EXOC6B: variants seen among roughly 807,000 people sequenced by gnomAD.
EXOC6B encodes the protein exocyst complex component 6B.
A neutral mutation model predicts 113.5 loss-of-function variants in EXOC6B; 54 were observed. The observed-to-expected ratio is 0.48, with a 90% CI of 0.38 to 0.60. The LOEUF (loss-of-function observed/expected upper bound fraction) is 0.60, where lower values mean the gene tolerates loss of function less well. Ranked by LOEUF, EXOC6B falls within the 20% of genes least tolerant of loss-of-function variation. EXOC6B has a pLI of 0.00. For synonymous variants in EXOC6B, 357 were observed against 339.0 expected, an observed-to-expected ratio of 1.05 and a Z score of -0.58; for missense variants, 797 against 977.5, an observed-to-expected ratio of 0.82 and a Z score of 2.46.
At chr2:72,652,411 G>A (rs993510219) in intron 6 of EXOC6B, among the ~76,000 whole-genome samples, 1 of 152,096 alleles carries the variant, frequency 6.6e-6, no homozygotes, top group Non-Finnish European at 1.5e-5. Context: ...TGCACAGAAA[G>A]CTAAACCTTA....
At chr2:72,404,798 C>A (rs193213232) in intron 18 of EXOC6B, among the ~76,000 whole-genome samples, 1 of 152,240 alleles carries the variant, frequency 6.6e-6, no homozygotes, top group South Asian at 2.1e-4. Context: ...AAAATCAGAG[C>A]GCCTTTCCTC....
intron 20 of EXOC6B, among the ~76,000 whole-genome samples, chr2:72,308,435 G>A (rs1444062379): frequency 6.6e-6 from 1 of 152,146 alleles, no homozygotes; most frequent in Non-Finnish European, 1.5e-5. Flanking sequence ...ATAAGTAATG[G>A]AATGGATAAG....
intron 16 of EXOC6B, among the ~76,000 whole-genome samples, chr2:72,488,606 G>A (rs879127977): frequency 1.3e-5 from 2 of 151,936 alleles, no homozygotes; most frequent in Admixed American, 6.6e-5. Context: ...CAGCCTTCTC[G>A]TTGCTCAAGT....
intron 6 of EXOC6B, among the ~76,000 whole-genome samples, chr2:72,633,526 G>T (rs570540448): frequency 6.6e-6 from 1 of 152,130 alleles, no homozygotes; most frequent in African/African-American, 2.4e-5. Context: ...AATGGACTCT[G>T]GTCCATTCTA....
intron 1 of EXOC6B, among the ~76,000 whole-genome samples, chr2:72,754,719 C>T (rs1682292665): frequency 6.6e-6 from 1 of 150,474 alleles, no homozygotes; most frequent in African/African-American, 2.4e-5. Flanking sequence ...GCTTAAGGGA[C>T]CCTCTAGCCT....
intron 20 of EXOC6B, among the ~76,000 whole-genome samples, chr2:72,249,312 TGC>T (rs1682862647): frequency 6.6e-6 from 1 of 152,048 alleles, no homozygotes. Flanking sequence ...CAGGCTGGAG[TGC>T]AGTGGTGCAA....
intron 1 of EXOC6B, among the ~76,000 whole-genome samples, chr2:72,814,107 G>A (rs1686080800): frequency 6.6e-6 from 1 of 152,196 alleles, no homozygotes; most frequent in Admixed American, 6.5e-5. Context: ...CACAGAATCT[G>A]TCATGTTCCA....
rs1192216570 is a variant in EXOC6B at position 72,655,520 on chromosome 2, T to C, written c.669+62583A>G. Among the ~76,000 whole-genome samples the C allele has an allele frequency of 1.6e-4, 24 of 151,964 alleles. 1 individual carries two copies. The highest frequency in any genetic ancestry group is 1.6e-3 in the Admixed American group (24 of 15,262). Reference sequence around the variant, plus strand: ...AAGGGGAAAAAAAGAAAAAGAAGTCTTCAGATTTACGGTGGTTCCAAAACA... The same window carrying C: ...AAGGGGAAAAAAAGAAAAAGAAGTCCTCAGATTTACGGTGGTTCCAAAACA... On this transcript the variant is annotated intron_variant, in intron 6 of 21. Coordinates refer to ENST00000272427, the MANE Select transcript of EXOC6B (RefSeq NM_015189.3).
At chr2:72,617,819 C>T (rs1301842893) in intron 6 of EXOC6B, among the ~76,000 whole-genome samples, 1 of 151,988 alleles carries the variant, frequency 6.6e-6, no homozygotes, top group Non-Finnish European at 1.5e-5. Context: ...CCGGCCAAGA[C>T]CCTGTAGAGT....
At chr2:72,364,418 C>T (rs918074543) in intron 19 of EXOC6B, among the ~76,000 whole-genome samples, 4 of 152,010 alleles carry the variant, frequency 2.6e-5, no homozygotes, top group African/African-American at 9.7e-5. Context: ...TATGGTTATT[C>T]GTGGACTGTC....
intron 16 of EXOC6B, among the ~76,000 whole-genome samples, chr2:72,490,607 G>A (rs769921958): frequency 2.2e-4 from 34 of 152,042 alleles, no homozygotes; most frequent in Non-Finnish European, 3.7e-4. Context: ...AAACAAAAGC[G>A]TATGCATGTT....
In EXOC6B at chr2:72,575,649, A is replaced by G; in HGVS notation, c.689T>C (p.Leu230Pro). Residue 230 changes from leucine to proline, a missense_variant, in exon 7 of 22, where the codon CTG becomes CCG. By Grantham distance (98) the Leu-to-Pro change is moderately conservative. Coordinates refer to ENST00000272427, the MANE Select transcript of EXOC6B (RefSeq NM_015189.3). Reference sequence around the variant, plus strand: ...GGGTTGTTGCAAGACGATGTTATCCAGGTTTCTTTGCTGCTGGGCCTAGGA... The same window carrying G: ...GGGTTGTTGCAAGACGATGTTATCCGGGTTTCTTTGCTGCTGGGCCTAGGA... The part of the protein sequence containing the change: ...AMKQAQQQRN[L>P]DNIVLQQPRI... 1.3e-6 allele frequency: 2 copies of G among 1,599,824 alleles called. No individual in the cohort carries two copies. Among genetic ancestry groups the G allele is most frequent in the Non-Finnish European group, 1.7e-6 (2 of 1,174,428 alleles).
At chr2:72,563,431 T>C (rs1265063936) in intron 7 of EXOC6B, among the ~76,000 whole-genome samples, 1 of 152,122 alleles carries the variant, frequency 6.6e-6, no homozygotes, top group Admixed American at 6.6e-5. Context: ...TAGTTCCTAG[T>C]TTTTGTTTGT....
intron 1 of EXOC6B, among the ~76,000 whole-genome samples, chr2:72,784,226 T>C (rs1343742835): frequency 6.6e-6 from 1 of 152,234 alleles, no homozygotes; most frequent in East Asian, 1.9e-4. Flanking sequence ...ACCAATACCA[T>C]GCTGTTCTGG....
chr2:72,367,912 T>G (rs1431314287), intron 19 of EXOC6B, among the ~76,000 whole-genome samples: 1 of 152,138 alleles, frequency 6.6e-6, no homozygotes, highest in African/African-American at 2.4e-5. Flanking sequence ...TCAGCAAGCC[T>G]CATTGCCACA....
chr2:72,515,942 CCACGTGATGA>C (rs896101819), intron 8 of EXOC6B, among the ~76,000 whole-genome samples: 1 of 152,092 alleles, frequency 6.6e-6, no homozygotes. Flanking sequence ...GGGGAGAACA[CCACGTGATGA>C]CAGAGGCAGA....
At chr2:72,685,790 A>T (rs1677046865) in intron 6 of EXOC6B, among the ~76,000 whole-genome samples, 1 of 152,234 alleles carries the variant, frequency 6.6e-6, no homozygotes, top group South Asian at 2.1e-4. Context: ...ACAATGCCTA[A>T]AAGGCATTTC....
intron 20 of EXOC6B, among the ~76,000 whole-genome samples, chr2:72,240,016 A>T (rs960659736): frequency 2.0e-5 from 3 of 152,214 alleles, no homozygotes; most frequent in Admixed American, 6.5e-5. Context: ...CCAAGGTACA[A>T]GTACATGGTT....
chr2:72,553,510 T>C (rs1014967007), intron 8 of EXOC6B, among the ~76,000 whole-genome samples: 6 of 151,926 alleles, frequency 3.9e-5, no homozygotes, highest in African/African-American at 1.4e-4. Context: ...AGAAGAGACA[T>C]GAGAAGGGAC....
Sources: gnomAD v4.1 joint callset for allele counts (sites outside exome capture counted in the v4.1 genomes callset) on GRCh38, gnomAD v4.1.1 for gene constraint, MANE v1.5 for transcripts, NCBI Gene and HGNC (gene_info 2026-07-23, HGNC 2026-07-21) for gene names.